The following FHIT variants were observed in gnomAD, a reference collection of about 807,000 sequenced individuals.
FHIT encodes the protein fragile histidine triad diadenosine triphosphatase, also known as bis(5'-adenosyl)-triphosphatase.
A neutral mutation model predicts 17.9 loss-of-function variants in FHIT; 19 were observed. That is an observed-to-expected ratio of 1.06 (90% confidence interval 0.74 to 1.56). FHIT has a LOEUF of 1.56. Among genes scored for constraint, FHIT ranks in the 40% most tolerant of loss-of-function variants. The probability of loss-of-function intolerance (pLI) is 0.00; values close to 1 mark genes in which losing one functional copy is unlikely to be tolerated. For synonymous variants in FHIT, 81 were observed against 69.7 expected, an observed-to-expected ratio of 1.16 and a Z score of -0.81; for missense variants, 248 against 189.2, an observed-to-expected ratio of 1.31 and a Z score of -1.82.
intron 4 of FHIT, among the ~76,000 whole-genome samples, chr3:60,631,131 G>T (rs2039430781): frequency 6.6e-6 from 1 of 152,036 alleles, no homozygotes; most frequent in South Asian, 2.1e-4. Context: ...GTCATTAGAT[G>T]CTTAATGCTA....
In FHIT at chr3:60,225,643, GCTTA is replaced by G. The variant is rs1388340317; in HGVS notation, c.104-211495_104-211492del. On this transcript the variant is annotated intron_variant, in intron 5 of 9. Transcript: ENST00000492590. The stretch of plus-strand genomic sequence containing the variant: ...AATCAGAAGGGAGATTTGAGTAGAC[GCTTA>G]CTTCTCAACAGGCTGTTCTGTTAAA... 5.9e-5 allele frequency among the ~76,000 whole-genome samples: 9 copies of G among 152,248 alleles called. No homozygotes were observed. The East Asian group carries it at 1.7e-3, about 29-fold the overall frequency.
rs1386650876 is a variant in FHIT, at chr3:60,860,179, G to A, written c.-110-38168C>T. Among the ~76,000 whole-genome samples, 89 of 83,576 alleles carry A rather than the reference G, an allele frequency of 1.1e-3. 2 individuals carry two copies. Among genetic ancestry groups the A allele is most frequent in the Middle Eastern group, 6.8e-3 (1 of 146 alleles). 54.8% of individuals were successfully genotyped at this position (83,576 alleles called of 152,430 possible). A position where few individuals can be genotyped will look rare whatever the true frequency, so the allele number is the denominator to read the frequency against. ...ATGATATACATCATATGTATATATG[G>A]TATACATGAGATACATCATATGTAT... is the stretch of plus-strand genomic sequence containing the variant. On this transcript the variant is annotated intron_variant, in intron 3 of 9. Transcript: ENST00000492590.
chr3:61,025,538 T>C (rs2032687602), intron 3 of FHIT, among the ~76,000 whole-genome samples: 1 of 152,012 alleles, frequency 6.6e-6, no homozygotes, highest in African/African-American at 2.4e-5. Context: ...AACAAGGCAC[T>C]AACAGAATTC....
intron 4 of FHIT, among the ~76,000 whole-genome samples, chr3:60,776,792 G>A (rs1166452209): frequency 6.6e-6 from 1 of 152,152 alleles, no homozygotes; most frequent in African/African-American, 2.4e-5. Flanking sequence ...TTCAGTAAAA[G>A]GTTATAAGAA....
intron 8 of FHIT, among the ~76,000 whole-genome samples, chr3:59,804,515 A>G (rs548817269): frequency 6.6e-6 from 1 of 152,352 alleles, no homozygotes; most frequent in East Asian, 1.9e-4. Flanking sequence ...TACACTCCAC[A>G]GGGTGGGAGT....
At position 59,925,530 on chromosome 3, in the gene FHIT, T is replaced by G. The variant is rs1451694271; in HGVS notation, c.280-3116A>C. ...ATATGGGGGGTTGCGAACCTGCACT[T>G]GGGAACCTCCAGGGTCCAGGTCTAT... On this transcript the variant is annotated intron_variant, in intron 7 of 9. Coordinates refer to ENST00000492590, the MANE Select transcript of FHIT (RefSeq NM_002012.4). Among the ~76,000 whole-genome samples the G allele has an allele frequency of 2.0e-5, 3 of 152,174 alleles. No individual in the cohort carries two copies. In the East Asian group the frequency reaches 5.8e-4, roughly 29 times the overall value.
intron 5 of FHIT, among the ~76,000 whole-genome samples, chr3:60,119,880 T>A (rs1456353820): frequency 6.6e-6 from 1 of 152,210 alleles, no homozygotes; most frequent in Non-Finnish European, 1.5e-5. Context: ...TATAAAACTC[T>A]ACTGGCTCCC....
At chr3:60,301,974 C>T (rs1340371860) in intron 5 of FHIT, among the ~76,000 whole-genome samples, 2 of 151,982 alleles carry the variant, frequency 1.3e-5, no homozygotes, top group Non-Finnish European at 2.9e-5. Context: ...AAAGTTTGCT[C>T]TCGGGAGATG....
intron 5 of FHIT, among the ~76,000 whole-genome samples, chr3:60,118,800 T>C (rs1351923050): frequency 1.4e-5 from 2 of 139,424 alleles, no homozygotes; most frequent in African/African-American, 5.5e-5. Context: ...GTGAATCACC[T>C]GAAGTCAGGA....
At chr3:60,542,321 C>G (rs1002210961) in intron 4 of FHIT, among the ~76,000 whole-genome samples, 1 of 152,170 alleles carries the variant, frequency 6.6e-6, no homozygotes, top group Non-Finnish European at 1.5e-5. Flanking sequence ...TCCCTGGATT[C>G]CTATCTTAGC....
intron 4 of FHIT, among the ~76,000 whole-genome samples, chr3:60,612,985 A>G (rs1295353752): frequency 6.6e-6 from 1 of 152,190 alleles, no homozygotes; most frequent in Non-Finnish European, 1.5e-5. Context: ...CCTGACTGCC[A>G]TTTAGAGGAT....
At chr3:61,227,831 G>T (rs982190622) in intron 1 of FHIT, among the ~76,000 whole-genome samples, 2 of 152,050 alleles carry the variant, frequency 1.3e-5, no homozygotes, top group African/African-American at 4.8e-5. Flanking sequence ...GTGATGTTCG[G>T]ATTATTTTCT....
Position 60,137,281 on chromosome 3 carries a change from T to G in FHIT, c.104-123129A>C, listed in dbSNP as rs77393190. The stretch of plus-strand genomic sequence containing the variant: ...TTAATGACATTTTGAAAACTGAACT[T>G]CCTTCTCACTGCCTTTCATAATGCA... On this transcript the variant is annotated intron_variant, in intron 5 of 9. Coordinates refer to ENST00000492590, the MANE Select transcript of FHIT (RefSeq NM_002012.4). Among the ~76,000 whole-genome samples, 548 of 152,294 alleles carry G rather than the reference T, an allele frequency of 3.6e-3. 3 individuals carry two copies. The highest frequency in any genetic ancestry group is 0.012 in the African/African-American group (511 of 41,578).
chr3:60,015,002 A>C (rs990743751), intron 5 of FHIT, among the ~76,000 whole-genome samples: 1 of 152,198 alleles, frequency 6.6e-6, no homozygotes, highest in African/African-American at 2.4e-5. Context: ...CTATACACAC[A>C]TGTATGCACA....
chr3:60,800,035 C>T (rs1347751977), intron 4 of FHIT, among the ~76,000 whole-genome samples: 1 of 152,018 alleles, frequency 6.6e-6, no homozygotes, highest in Non-Finnish European at 1.5e-5. Context: ...CATTCTGGAC[C>T]TATCGAACCA....
At chr3:60,966,586 A>G (rs1329176755) in intron 3 of FHIT, among the ~76,000 whole-genome samples, 1 of 152,184 alleles carries the variant, frequency 6.6e-6, no homozygotes, top group African/African-American at 2.4e-5. Flanking sequence ...TGATGACTAT[A>G]AGGGAGGCTT....
At chr3:60,960,583 C>A (rs188295582) in intron 3 of FHIT, among the ~76,000 whole-genome samples, 80 of 152,268 alleles carry the variant, frequency 5.3e-4, no homozygotes, top group Non-Finnish European at 9.4e-4. Context: ...TCCCCCCACC[C>A]CACAACAGGC....
chr3:60,404,617 C>T (rs1701783189), intron 5 of FHIT, among the ~76,000 whole-genome samples: 1 of 152,144 alleles, frequency 6.6e-6, no homozygotes, highest in Admixed American at 6.5e-5. Context: ...ACATTTGATT[C>T]TAATGAGACT....
At chr3:59,851,879 A>T (rs1701952840) in intron 8 of FHIT, among the ~76,000 whole-genome samples, 1 of 152,220 alleles carries the variant, frequency 6.6e-6, no homozygotes, top group Non-Finnish European at 1.5e-5. Flanking sequence ...TTTTTAAAAC[A>T]AACTAGTAAG....
Sources: allele counts gnomAD v4.1 joint callset (sites outside exome capture counted in the v4.1 genomes callset), GRCh38; gene constraint gnomAD v4.1.1; transcripts MANE v1.5; gene names NCBI Gene and HGNC (gene_info 2026-07-23, HGNC 2026-07-21).